The following KIFC3 variants were observed in gnomAD, a reference collection of about 807,000 sequenced individuals.
KIFC3 encodes the protein kinesin family member C3.
KIFC3 carries 60 observed loss-of-function variants against 101.8 expected under a neutral mutation model. That is an observed-to-expected ratio of 0.59 (90% CI 0.48 to 0.73). The LOEUF (loss-of-function observed/expected upper bound fraction) is 0.73, where lower values mean the gene tolerates loss of function less well. KIFC3 is among the 30% of genes least tolerant of loss of function. KIFC3 has a pLI of 0.00. For missense variants in KIFC3, 966 were observed against 1,137.1 expected, an observed-to-expected ratio of 0.85 and a Z score of 2.16; for synonymous variants, 476 against 482.7, an observed-to-expected ratio of 0.99 and a Z score of 0.18.
intron 4 of KIFC3, 83 bp downstream of exon 4, chr16:57,772,140 G>T: frequency 8.3e-7 from 1 of 1,204,206 alleles, no homozygotes; most frequent in Non-Finnish European, 1.2e-6. Flanking sequence ...GAGAGAGAGG[G>T]TCGCACCCCT....
At chr16:57,783,379 TAA>T (rs1223431417) in intron 3 of KIFC3, among the ~76,000 whole-genome samples, 2 of 152,054 alleles carry the variant, frequency 1.3e-5, no homozygotes, top group African/African-American at 4.8e-5. Context: ...ATTGCCACCT[TAA>T]TATACTTACC....
intron 1 of KIFC3, among the ~76,000 whole-genome samples, chr16:57,815,944 C>T (rs542754711): frequency 6.6e-6 from 1 of 152,318 alleles, no homozygotes; most frequent in East Asian, 1.9e-4. Flanking sequence ...AGGATGAACT[C>T]GGCTGGGTCA....
At chr16:57,816,483 C>T (rs1286375836) in intron 1 of KIFC3, 6 of 457,584 alleles carry the variant, frequency 1.3e-5, no homozygotes, top group Non-Finnish European at 1.8e-5. Context: ...AAGTGACTCA[C>T]GGGCCCTGCT....
chr16:57,830,064 T>C (rs895082449), intron 1 of KIFC3, among the ~76,000 whole-genome samples: 7 of 152,086 alleles, frequency 4.6e-5, no homozygotes, highest in Non-Finnish European at 2.9e-5. Context: ...ATTGACAGCC[T>C]CTACCAGGGA....
At chr16:57,848,239 CA>C (rs1474598385) in intron 1 of KIFC3, among the ~76,000 whole-genome samples, 2 of 152,194 alleles carry the variant, frequency 1.3e-5, no homozygotes, top group African/African-American at 4.8e-5. Context: ...TCGTTTTGTT[CA>C]GATGAACATT....
chr16:57,761,294 C>A, intron 14 of KIFC3, 119 bp downstream of exon 14: 1 of 1,580,408 alleles, frequency 6.3e-7, no homozygotes, highest in South Asian at 1.1e-5. Flanking sequence ...AACTGAGGCT[C>A]AGAGAGGCGT....
chr16:57,842,001 G>A (rs552089190), intron 1 of KIFC3, among the ~76,000 whole-genome samples: 8 of 150,980 alleles, frequency 5.3e-5, no homozygotes, highest in East Asian at 2.0e-4. Flanking sequence ...CATCCCCACC[G>A]GCCATCTCCT....
At chr16:57,775,037 G>T in intron 3 of KIFC3, 1 of 1,526,900 alleles carries the variant, frequency 6.5e-7, no homozygotes, top group Non-Finnish European at 8.7e-7. Flanking sequence ...CAGGGAGAGT[G>T]GGGTTTGCCA....
intron 1 of KIFC3, among the ~76,000 whole-genome samples, chr16:57,819,795 G>A (rs1402055354): frequency 2.6e-5 from 4 of 151,540 alleles, no homozygotes; most frequent in African/African-American, 4.8e-5. Flanking sequence ...TCCTGAGCTC[G>A]TGATCTGCCT....
chr16:57,792,372 A>G (rs2053947934), intron 3 of KIFC3, among the ~76,000 whole-genome samples: 1 of 152,132 alleles, frequency 6.6e-6, no homozygotes, highest in South Asian at 2.1e-4. Context: ...TCTGCACTGT[A>G]CCTCTGACCC....
intron 1 of KIFC3, among the ~76,000 whole-genome samples, chr16:57,845,821 T>C (rs186001756): frequency 5.8e-4 from 89 of 152,296 alleles, no homozygotes; most frequent in African/African-American, 2.0e-3. Flanking sequence ...GTGCCTGTTA[T>C]TTATTCCCTG....
intron 1 of KIFC3, among the ~76,000 whole-genome samples, chr16:57,809,359 G>T (rs1410228908): frequency 6.6e-6 from 1 of 152,164 alleles, no homozygotes; most frequent in Non-Finnish European, 1.5e-5. Flanking sequence ...GAGGTGGCAT[G>T]ATCAGAGCTC....
chr16:57,773,599 A>T (rs1555610141), intron 3 of KIFC3, among the ~76,000 whole-genome samples: 1 of 152,170 alleles, frequency 6.6e-6, no homozygotes, highest in African/African-American at 2.4e-5. Context: ...AAGCTGCAGT[A>T]AGCTATGATA....
intron 1 of KIFC3, among the ~76,000 whole-genome samples, chr16:57,849,873 A>G (rs1028542866): frequency 2.6e-4 from 39 of 152,196 alleles, no homozygotes; most frequent in Admixed American, 2.3e-3. Flanking sequence ...ACTGCACTCC[A>G]GCCTGGGCAA....
chr16:57,796,034 CA>C (rs2054294622), intron 2 of KIFC3, among the ~76,000 whole-genome samples: 1 of 151,898 alleles, frequency 6.6e-6, no homozygotes, highest in South Asian at 2.1e-4. Flanking sequence ...GCTGGGATTA[CA>C]GGTGCGCACC....
chr16:57,808,210 T>TAA (rs560989229), upstream of KIFC3, among the ~76,000 whole-genome samples: 1 of 152,042 alleles, frequency 6.6e-6, no homozygotes, highest in Admixed American at 6.5e-5. Flanking sequence ...CCTGTAGTCT[T>TAA]AAAAAAATGA....
chr16:57,771,498 G>A (rs1355419563), intron 5 of KIFC3, 45 bp downstream of exon 5: 4 of 1,609,692 alleles, frequency 2.5e-6, no homozygotes, highest in Non-Finnish European at 2.5e-6. Context: ...AGGAGCTGGG[G>A]TGGCCCTCCA....
chr16:57,812,696 G>A (rs1186781969), intron 1 of KIFC3, among the ~76,000 whole-genome samples: 1 of 152,228 alleles, frequency 6.6e-6, no homozygotes. Flanking sequence ...ATGAGGTGTT[G>A]CTCAGACAGG....
chr16:57,843,613 C>T (rs1427841527), intron 1 of KIFC3, among the ~76,000 whole-genome samples: 1 of 152,098 alleles, frequency 6.6e-6, no homozygotes, highest in Non-Finnish European at 1.5e-5. Flanking sequence ...GAGTTCAAGA[C>T]TAGCCTGGGC....
Sources: allele counts gnomAD v4.1 joint callset (sites outside exome capture counted in the v4.1 genomes callset), GRCh38; gene constraint gnomAD v4.1.1; transcripts MANE v1.5; gene names NCBI Gene and HGNC (gene_info 2026-07-23, HGNC 2026-07-21).